SNTG1: variants seen among roughly 807,000 people sequenced by gnomAD.
SNTG1 encodes gamma-1-syntrophin.
A neutral mutation model predicts 74.7 loss-of-function variants in SNTG1; 39 were observed. That is an observed-to-expected ratio of 0.52 (90% CI 0.40 to 0.68). The LOEUF is 0.68. Among genes scored for constraint, SNTG1 ranks in the 30% least tolerant of loss-of-function variants. The pLI is 0.00. For synonymous variants in SNTG1, 254 were observed against 217.1 expected (o/e 1.17, Z -1.49); for missense variants, 685 against 609.5 (o/e 1.12, Z -1.30).
chr8:50,274,333 C>T (rs916646559), intron 2 of SNTG1, among the ~76,000 whole-genome samples: 1 of 151,986 alleles, frequency 6.6e-6, no homozygotes, highest in African/African-American at 2.4e-5. Context: ...GTGATCCACT[C>T]ACCTACGCTT....
At chr8:50,466,255 A>AT (rs1182795146) in intron 8 of SNTG1, among the ~76,000 whole-genome samples, 2 of 151,954 alleles carry the variant, frequency 1.3e-5, no homozygotes, top group African/African-American at 4.8e-5. Flanking sequence ...TTTAATTTTT[A>AT]TTTTTTGCAT....
In SNTG1 at chr8:50,111,272, C is replaced by A. The variant is rs1009492537; in HGVS notation, c.-102-61289C>A. 5.3e-5 allele frequency among the ~76,000 whole-genome samples: 8 copies of A among 152,226 alleles called. No homozygotes were observed. In the South Asian group the frequency reaches 1.0e-3, roughly 20 times the overall value. On this transcript the variant is annotated intron_variant, in intron 1 of 18. Transcript: ENST00000642720. ...ACTCATATGTTGAAGCTCTACCCCCCCAATATAATGGTATTTGGAGATGGA... is the reference window on the plus strand; with the variant it reads ...ACTCATATGTTGAAGCTCTACCCCCACAATATAATGGTATTTGGAGATGGA...
intron 2 of SNTG1, among the ~76,000 whole-genome samples, chr8:50,388,349 C>G (rs922634609): frequency 3.3e-5 from 5 of 152,132 alleles, no homozygotes; most frequent in Admixed American, 6.6e-5. Flanking sequence ...TAGTAGTATT[C>G]AGTGGTGATA....
At chr8:50,041,992 CA>C (rs1433561916) in intron 1 of SNTG1, among the ~76,000 whole-genome samples, 2 of 152,152 alleles carry the variant, frequency 1.3e-5, no homozygotes, top group Non-Finnish European at 2.9e-5. Flanking sequence ...AATGGGGTTA[CA>C]TCCTTATAAA....
At chr8:50,208,846 G>A (rs539152018) in intron 2 of SNTG1, among the ~76,000 whole-genome samples, 3 of 152,296 alleles carry the variant, frequency 2.0e-5, no homozygotes, top group African/African-American at 7.2e-5. Context: ...CAGAAGATGG[G>A]TGATTTCTGC....
At chr8:50,764,578 A>G (rs955056886) in intron 18 of SNTG1, among the ~76,000 whole-genome samples, 4 of 151,940 alleles carry the variant, frequency 2.6e-5, no homozygotes, top group African/African-American at 9.7e-5. Flanking sequence ...TCAATGGGCT[A>G]TCACCTCATA....
intron 8 of SNTG1, among the ~76,000 whole-genome samples, chr8:50,485,253 C>G (rs1370192307): frequency 6.6e-6 from 1 of 152,166 alleles, no homozygotes; most frequent in African/African-American, 2.4e-5. Context: ...TTGTATCACA[C>G]TAAGCAACGA....
intron 4 of SNTG1, among the ~76,000 whole-genome samples, chr8:50,406,090 T>A (rs1470070243): frequency 2.0e-5 from 3 of 152,146 alleles, no homozygotes; most frequent in Admixed American, 6.6e-5. Flanking sequence ...AAAATATCAT[T>A]GCAGTTTTTA....
intron 1 of SNTG1, among the ~76,000 whole-genome samples, chr8:50,157,948 T>C (rs1369867601): frequency 1.3e-5 from 2 of 152,142 alleles, no homozygotes; most frequent in Non-Finnish European, 2.9e-5. Context: ...GTTGTTAGTT[T>C]TGGATAAGTT....
chr8:50,484,234 T>TA (rs1292339325), intron 8 of SNTG1, among the ~76,000 whole-genome samples: 1 of 149,386 alleles, frequency 6.7e-6, no homozygotes, highest in Non-Finnish European at 1.5e-5. Context: ...CTTTTTTTTT[T>TA]ATGGAGTTTC....
At chr8:50,583,701 G>A (rs1232482872) in intron 12 of SNTG1, among the ~76,000 whole-genome samples, 1 of 150,336 alleles carries the variant, frequency 6.7e-6, no homozygotes, top group East Asian at 1.9e-4. Context: ...TAAGTAAATA[G>A]CAAAATGCTG....
At chr8:50,565,019 T>A (rs1272394812) in intron 12 of SNTG1, among the ~76,000 whole-genome samples, 1 of 152,176 alleles carries the variant, frequency 6.6e-6, no homozygotes, top group Non-Finnish European at 1.5e-5. Flanking sequence ...TAATAATATG[T>A]ACCCTTGATA....
At chr8:50,601,424 A>T (rs952399425) in intron 13 of SNTG1, among the ~76,000 whole-genome samples, 1 of 152,036 alleles carries the variant, frequency 6.6e-6, no homozygotes, top group Admixed American at 6.6e-5. Flanking sequence ...ATGTGTTTGT[A>T]TGGCTTCTAA....
chr8:49,963,228 A>G, intron 1 of SNTG1, among the ~76,000 whole-genome samples: 1 of 152,186 alleles, frequency 6.6e-6, no homozygotes, highest in East Asian at 1.9e-4. Flanking sequence ...CAGGAAGCAA[A>G]GCGCCAAGAC....
chr8:50,105,797 G>A (rs1256553232), intron 1 of SNTG1, among the ~76,000 whole-genome samples: 1 of 152,012 alleles, frequency 6.6e-6, no homozygotes, highest in Non-Finnish European at 1.5e-5. Flanking sequence ...TGACTATTGT[G>A]AGTGAGATCG....
intron 8 of SNTG1, among the ~76,000 whole-genome samples, chr8:50,472,894 A>C (rs2093664319): frequency 1.3e-5 from 2 of 152,104 alleles, no homozygotes; most frequent in African/African-American, 4.8e-5. Flanking sequence ...TTCTCCAAAA[A>C]ATATACACAA....
chr8:50,236,450 A>ATTTTT (rs56003219), intron 2 of SNTG1, among the ~76,000 whole-genome samples: 3 of 138,670 alleles, frequency 2.2e-5, no homozygotes, highest in Admixed American at 7.5e-5. Flanking sequence ...TTAATTGTAA[A>ATTTTT]TTTTTTTTTT....
chr8:49,910,063 C>T (rs932896549), upstream of SNTG1, among the ~76,000 whole-genome samples: 1 of 152,212 alleles, frequency 6.6e-6, no homozygotes, highest in African/African-American at 2.4e-5. Flanking sequence ...GCGCAATGTC[C>T]CCGGGAGGGA....
chr8:50,296,219 T>C (rs1485006962), intron 2 of SNTG1, among the ~76,000 whole-genome samples: 3 of 152,244 alleles, frequency 2.0e-5, no homozygotes, highest in Non-Finnish European at 2.9e-5. Flanking sequence ...TCCTCAAGGA[T>C]ATAGAACCAG....
Sources: allele counts gnomAD v4.1 joint callset (sites outside exome capture counted in the v4.1 genomes callset), GRCh38; gene constraint gnomAD v4.1.1; transcripts MANE v1.5; gene names NCBI Gene and HGNC (gene_info 2026-07-23, HGNC 2026-07-21).